USP34: variants seen among roughly 807,000 people sequenced by gnomAD.
USP34 encodes ubiquitin carboxyl-terminal hydrolase 34.
Under a neutral mutation model 460.3 loss-of-function variants are expected in USP34, and 70 were observed. The observed-to-expected ratio is 0.15, with a 90% CI of 0.13 to 0.19. USP34 has a LOEUF of 0.19. Ranked by LOEUF, USP34 falls within the 10% of genes least tolerant of loss-of-function variation. The pLI, the probability that USP34 is intolerant of heterozygous loss-of-function variation, is 1.00. For missense variants in USP34, 3,985 were observed against 4,236.2 expected (o/e 0.94, Z 1.65); for synonymous variants, 1,647 against 1,405.3 (o/e 1.17, Z -3.85).
At chr2:61,344,338 T>C (rs184667647) in intron 15 of USP34, among the ~76,000 whole-genome samples, 351 of 152,314 alleles carry the variant, frequency 2.3e-3, no homozygotes, top group Non-Finnish European at 3.9e-3. Context: ...ACTCAAAGTC[T>C]ATAAAATGTG....
chr2:61,189,611 T>C (rs1266173864), intron 78 of USP34: 4 of 152,442 alleles, frequency 2.6e-5, no homozygotes, highest in Non-Finnish European at 5.9e-5. Context: ...CATTATTTTA[T>C]GCCCACGAAC....
intron 1 of USP34, among the ~76,000 whole-genome samples, chr2:61,423,707 G>A (rs1039617800): frequency 6.6e-6 from 1 of 152,190 alleles, no homozygotes; most frequent in African/African-American, 2.4e-5. Context: ...GCTTTGGTAG[G>A]TTGAGGCAGG....
intron 1 of USP34, among the ~76,000 whole-genome samples, chr2:61,422,407 C>G (rs528757265): frequency 4.0e-4 from 61 of 152,310 alleles, no homozygotes; most frequent in Non-Finnish European, 6.8e-4. Flanking sequence ...GCCTGACAGC[C>G]TAGCTGCTAA....
rs773179805 is a variant in USP34 at position 61,204,293 on chromosome 2, T to A, written c.9347A>T (p.Asn3116Ile). The A allele has an allele frequency of 6.2e-7, 1 of 1,614,114 alleles. No homozygotes were observed. Residue 3116 changes from asparagine to isoleucine, a missense_variant, in exon 74 of 80, where the codon AAT becomes ATT. Coordinates refer to ENST00000398571, the MANE Select transcript of USP34 (RefSeq NM_014709.4). ...CACCATTGTGGGCAAGAGGCACATA[T>A]TGAGTTCAGGGCGCGGAGGCCGAAT... is the stretch of plus-strand genomic sequence containing the variant. ...SNIRPPRPELNMCLLPTMVET... is the reference protein window; with the variant it reads ...SNIRPPRPELIMCLLPTMVET...
intron 15 of USP34, 84 bp downstream of exon 15, chr2:61,347,786 C>T: frequency 1.4e-5 from 22 of 1,544,652 alleles, no homozygotes; most frequent in Non-Finnish European, 1.8e-5. Context: ...AGCACTAATA[C>T]AGAATAAATT....
Position 61,190,406 on chromosome 2 carries a change from A to C in USP34, c.9738T>G (p.Ser3246Arg). The change falls in exon 78 of 80, where the codon AGT becomes AGG. Residue 3246 changes from serine (S) to arginine (R), a missense_variant. Ser to Arg is a moderately radical substitution (Grantham distance 110, BLOSUM62 -1). Transcript: ENST00000398571. ...FMTHFLLKVQ[S>R]QVFSEANCAN... ...CACAGTTTGCTTCAGAAAACACTTG[A>C]CTTTGAACCTGAAAAAGAAGATTTA... 6.2e-7 allele frequency: 1 copy of C among 1,603,604 alleles called. No homozygotes were observed. The highest frequency in any genetic ancestry group is 8.5e-7 in the Non-Finnish European group (1 of 1,176,982).
chr2:61,248,473 C>T (rs1688483083), intron 49 of USP34, 38 bp downstream of exon 49: 2 of 1,505,854 alleles, frequency 1.3e-6, no homozygotes, highest in Non-Finnish European at 1.8e-6. Flanking sequence ...TGGAGATTGA[C>T]AATAATCACA....
chr2:61,337,960 C>A (rs1691473841), intron 18 of USP34, among the ~76,000 whole-genome samples: 1 of 152,120 alleles, frequency 6.6e-6, no homozygotes, highest in Non-Finnish European at 1.5e-5. Flanking sequence ...TAACATTTTA[C>A]AATTAACTGT....
chr2:61,263,363 A>C (rs10221926), intron 43 of USP34, among the ~76,000 whole-genome samples: 1 of 151,670 alleles, frequency 6.6e-6, no homozygotes, highest in Admixed American at 6.6e-5. Context: ...TATTTTTTAG[A>C]GGAGACATGG....
intron 18 of USP34, among the ~76,000 whole-genome samples, chr2:61,338,953 A>G (rs1691508286): frequency 6.6e-6 from 1 of 152,206 alleles, no homozygotes; most frequent in African/African-American, 2.4e-5. Context: ...AACAATACTA[A>G]TATCAAAGTG....
At chr2:61,468,230 G>A (rs1695843589) in intron 1 of USP34, among the ~76,000 whole-genome samples, 2 of 152,220 alleles carry the variant, frequency 1.3e-5, no homozygotes, top group Admixed American at 6.5e-5. Flanking sequence ...TTGTTGCCCA[G>A]GCTGGAGTGC....
At chr2:61,469,822 A>G (rs571484855) in intron 1 of USP34, among the ~76,000 whole-genome samples, 9 of 152,322 alleles carry the variant, frequency 5.9e-5, no homozygotes, top group East Asian at 3.9e-4. Flanking sequence ...TTTGCAATAT[A>G]TCTTCTATAA....
intron 43 of USP34, among the ~76,000 whole-genome samples, chr2:61,262,832 A>G (rs1161879773): frequency 6.6e-6 from 1 of 152,178 alleles, no homozygotes; most frequent in Non-Finnish European, 1.5e-5. Context: ...TCTTTACAAC[A>G]TCGCCAGCAT....
At chr2:61,204,130 G>A (rs1485775152) in intron 74 of USP34, 126 bp downstream of exon 74, 1 of 1,275,850 alleles carries the variant, frequency 7.8e-7, no homozygotes, top group Non-Finnish European at 1.1e-6. Flanking sequence ...AAGTCCAAAT[G>A]AATCTAATCT....
chr2:61,268,371 G>A (rs963432433), intron 41 of USP34, among the ~76,000 whole-genome samples: 1 of 136,190 alleles, frequency 7.3e-6, no homozygotes, highest in Admixed American at 8.1e-5. Context: ...TATCCCTGAA[G>A]AGCCTGGTAC....
chr2:61,416,888 A>T (rs1558582166), intron 2 of USP34: 6 of 851,534 alleles, frequency 7.0e-6, no homozygotes, highest in Non-Finnish European at 1.1e-5. Flanking sequence ...AGCCCTCATG[A>T]GTGCAGGGCC....
At chr2:61,341,709 C>A (rs1691606330) in intron 16 of USP34, among the ~76,000 whole-genome samples, 2 of 150,244 alleles carry the variant, frequency 1.3e-5, no homozygotes, top group South Asian at 4.2e-4. Context: ...AACTGTGAGC[C>A]AAAATAAACC....
intron 57 of USP34, 49 bp from the exon 58 acceptor site, chr2:61,232,581 T>A (rs1553354374): frequency 7.2e-7 from 1 of 1,390,172 alleles, no homozygotes; most frequent in South Asian, 1.2e-5. Context: ...AAATATTTGT[T>A]ACATGGGATA....
chr2:61,448,662 A>G (rs372349589), intron 1 of USP34, among the ~76,000 whole-genome samples: 29 of 152,338 alleles, frequency 1.9e-4, no homozygotes, highest in South Asian at 6.2e-4. Flanking sequence ...ACATACATAA[A>G]AAAGTCCTAA....
Sources: allele counts gnomAD v4.1 joint callset (sites outside exome capture counted in the v4.1 genomes callset), GRCh38; gene constraint gnomAD v4.1.1; transcripts MANE v1.5; gene names NCBI Gene and HGNC (gene_info 2026-07-23, HGNC 2026-07-21).